The following PTK7 variants were observed in gnomAD, a reference collection of about 807,000 sequenced individuals.
PTK7 encodes protein tyrosine kinase 7 (inactive), also known as inactive tyrosine-protein kinase 7.
A neutral mutation model predicts 116.6 loss-of-function variants in PTK7; 39 were observed. The observed-to-expected ratio is 0.33, with a 90% CI of 0.26 to 0.44. The LOEUF (loss-of-function observed/expected upper bound fraction) is 0.44, where lower values mean the gene tolerates loss of function less well. Among genes scored for constraint, PTK7 ranks in the 20% least tolerant of loss-of-function variants. The probability of loss-of-function intolerance (pLI) is 1.00; values close to 1 mark genes in which losing one functional copy is unlikely to be tolerated. For synonymous variants in PTK7, 546 were observed against 563.6 expected (o/e 0.97, Z 0.44); for missense variants, 1,169 against 1,425.6 (o/e 0.82, Z 2.90).
At chr6:43,159,763 C>T (rs758676480) in intron 18 of PTK7, 25 bp from the exon 19 acceptor site, 12 of 1,613,634 alleles carry the variant, frequency 7.4e-6, no homozygotes, top group Non-Finnish European at 1.0e-5. Context: ...CCCCACCTCA[C>T]CCCTGGGTTG....
chr6:43,091,479 T>C (rs990758466), intron 1 of PTK7, among the ~76,000 whole-genome samples: 2 of 152,178 alleles, frequency 1.3e-5, no homozygotes, highest in African/African-American at 4.8e-5. Context: ...TTTCCTCTTT[T>C]GTAAGATAGG....
At chr6:43,086,416 C>CTT (rs35357864) in intron 1 of PTK7, among the ~76,000 whole-genome samples, 135 of 140,528 alleles carry the variant, frequency 9.6e-4, no homozygotes, top group South Asian at 3.4e-3. Flanking sequence ...GACACTCTGG[C>CTT]TTTTTTTTTT....
At chr6:43,140,598 A>G (rs899737903) in intron 10 of PTK7, among the ~76,000 whole-genome samples, 1 of 151,884 alleles carries the variant, frequency 6.6e-6, no homozygotes, top group South Asian at 2.1e-4. Context: ...TATTAAATTT[A>G]CATGATTGGC....
At chr6:43,089,107 TC>T (rs1766812041) in intron 1 of PTK7, among the ~76,000 whole-genome samples, 5 of 152,080 alleles carry the variant, frequency 3.3e-5, no homozygotes, top group African/African-American at 1.2e-4. Flanking sequence ...GACTTTGGAG[TC>T]AAGTCTTTTA....
intron 1 of PTK7, among the ~76,000 whole-genome samples, chr6:43,107,233 T>G (rs992290558): frequency 1.3e-5 from 2 of 152,276 alleles, no homozygotes; most frequent in African/African-American, 4.8e-5. Flanking sequence ...CTCCCTGACT[T>G]TTTAATCCCC....
intron 17 of PTK7, among the ~76,000 whole-genome samples, chr6:43,151,948 C>T (rs2150470173): frequency 6.6e-6 from 1 of 151,186 alleles, no homozygotes; most frequent in Non-Finnish European, 1.5e-5. Flanking sequence ...GGGTTCACGC[C>T]ATTCACCTGC....
chr6:43,145,601 CTTCCCTGCTCTTGGATGCCTGCT>C lies in PTK7; in HGVS notation c.2640+176_2640+198del, dbSNP rs1770683711. The C allele has an allele frequency of 2.2e-6, 1 of 447,992 alleles. No individual in the cohort carries two copies. Among genetic ancestry groups the C allele is most frequent in the African/African-American group, 2.0e-5 (1 of 50,844 alleles). The allele number at this position is 447,992 out of a possible 1,614,324, so 27.8% of individuals were successfully genotyped here. On this transcript the variant is annotated intron_variant, in intron 16 of 19. Transcript: ENST00000230419. The surrounding 1 kb of genome is among the most constrained non-coding windows in gnomAD (Gnocchi z 4.8). ...CCACCTTATGATGCTCAGCTTCTGCCTTCCCTGCTCTTGGATGCCTGCTTTCCCTTTATCAGCACCCAGTCTTT... is the reference window on the plus strand; with the variant it reads ...CCACCTTATGATGCTCAGCTTCTGCCTTCCCTTTATCAGCACCCAGTCTTT...
Position 43,132,552 on chromosome 6 carries a change from A to T in PTK7, c.1093A>T (p.Thr365Ser). 6.2e-7 allele frequency: 1 copy of T among 1,613,328 alleles called. No homozygotes were observed. The highest frequency in any genetic ancestry group is 8.5e-7 in the Non-Finnish European group (1 of 1,179,804). ...WWEHAGVRLP[T>S]HGRVYQKGHE... ...GGAGCACGCGGGAGTCCGGCTGCCC[A>T]CCCATGGCAGGGTCTACCAGAAGGG... Residue 365 changes from threonine to serine, a missense_variant, in exon 7 of 20, where the codon ACC (threonine) becomes TCC (serine). By Grantham distance (58) the Thr-to-Ser change is moderately conservative (BLOSUM62 1). This residue lies in a region of PTK7 where 487 missense variants were observed against 549.8 expected (regional missense o/e 0.89). Transcript: ENST00000230419.
At position 43,143,805 on chromosome 6, in the gene PTK7, A is replaced by T. The variant is rs890740053; in HGVS notation, c.2251+185A>T. 6.6e-6 allele frequency among the ~76,000 whole-genome samples: 1 copy of T among 152,150 alleles called. No individual in the cohort carries two copies. The highest frequency in any genetic ancestry group is 2.4e-5 in the African/African-American group (1 of 41,426). ...TTCCCAGGGCCTCGTCTTCTGAGCA[A>T]CCTGGCTTGAGACTTCTTCATTGGA... On this transcript the variant is annotated intron_variant, in intron 14 of 19. Coordinates refer to ENST00000230419, the MANE Select transcript of PTK7 (RefSeq NM_002821.5). The surrounding 1 kb of genome is among the most constrained non-coding windows in gnomAD (Gnocchi z 4.2).
chr6:43,159,081 G>A, intron 18 of PTK7, 113 bp downstream of exon 18: 1 of 1,367,918 alleles, frequency 7.3e-7, no homozygotes, highest in Non-Finnish European at 9.9e-7. Flanking sequence ...TTAGTCCAAA[G>A]CTGGAGGGCC....
At position 43,129,376 on chromosome 6, in the gene PTK7, C is replaced by A; in HGVS notation, c.367+112C>A. 7.6e-7 allele frequency: 1 copy of A among 1,313,956 alleles called. No homozygotes were observed. Among genetic ancestry groups the A allele is most frequent in the Non-Finnish European group, 1.0e-6 (1 of 958,892 alleles). 81.4% of individuals were successfully genotyped at this position (1,313,956 alleles called of 1,614,324 possible). On this transcript the variant is annotated intron_variant, in intron 2 of 19. Coordinates refer to ENST00000230419, the MANE Select transcript of PTK7 (RefSeq NM_002821.5). The surrounding 1 kb of genome is among the most constrained non-coding windows in gnomAD (Gnocchi z 4.5). ...CCCATTTCCAGTTAAACGGGCCAGG[C>A]AGAATGCATTTATCATCAGCTTTTT...
chr6:43,160,769 C>T lies in PTK7; in HGVS notation c.3101C>T (p.Ser1034Phe). 6.2e-7 allele frequency: 1 copy of T among 1,614,222 alleles called. No homozygotes were observed. Among genetic ancestry groups the T allele is most frequent in the Non-Finnish European group, 8.5e-7 (1 of 1,180,022 alleles). The change falls in exon 20 of 20, where the codon TCC becomes TTC. Residue 1034 changes from serine to phenylalanine, a missense_variant. By Grantham distance (155) the Ser-to-Phe change is radical (BLOSUM62 -2). This residue lies in a region of PTK7 where 678 missense variants were observed against 853.8 expected (regional missense o/e 0.79). Transcript: ENST00000230419. Reference protein sequence around the residue: ...ARLPQPEGCPSKLYRLMQRCW... With the variant: ...ARLPQPEGCPFKLYRLMQRCW... ...CTTCCTCAGCCCGAGGGCTGCCCTTCCAAACTCTATCGGCTGATGCAGCGC... is the reference window on the plus strand; with the variant it reads ...CTTCCTCAGCCCGAGGGCTGCCCTTTCAAACTCTATCGGCTGATGCAGCGC...
chr6:43,102,856 G>A (rs772142673), intron 1 of PTK7, among the ~76,000 whole-genome samples: 1 of 152,098 alleles, frequency 6.6e-6, no homozygotes, highest in Non-Finnish European at 1.5e-5. Flanking sequence ...GCCAGGTGGC[G>A]TGTACCCATC....
At position 43,138,972 on chromosome 6, in the gene PTK7, T is replaced by G. The variant is rs1227104629; in HGVS notation, c.1352T>G (p.Leu451Arg). 2.5e-6 allele frequency: 4 copies of G among 1,613,804 alleles called. No homozygotes were observed. The highest frequency in any genetic ancestry group is 3.4e-6 in the Non-Finnish European group (4 of 1,179,962). Reference sequence around the variant, plus strand: ...GTTGTCTGGTACAGAAACCAGATGCTCATCTCAGAGGTGAGAAAGAAGAGT... The same window carrying G: ...GTTGTCTGGTACAGAAACCAGATGCGCATCTCAGAGGTGAGAAAGAAGAGT... ...PTVVWYRNQM[L>R]ISEDSRFEVF... The change falls in exon 8 of 20, where the codon CTC becomes CGC. Residue 451 changes from leucine (L) to arginine (R), a missense_variant. Leu to Arg is a moderately radical substitution (Grantham distance 102). Around this residue, in one of 3 missense-constraint regions of PTK7, gnomAD observed 678 missense variants for 853.8 expected, o/e 0.79. Transcript: ENST00000230419.
At chr6:43,094,467 A>AT (rs1297200835) in intron 1 of PTK7, among the ~76,000 whole-genome samples, 3,718 of 140,900 alleles carry the variant, frequency 0.026, 151 homozygotes, top group African/African-American at 0.08. Context: ...TCAAAAGCAA[A>AT]TTTTTTTTTT....
chr6:43,089,723 C>T (rs1766843540), intron 1 of PTK7, among the ~76,000 whole-genome samples: 1 of 152,198 alleles, frequency 6.6e-6, no homozygotes, highest in Admixed American at 6.5e-5. Context: ...CGGAGGAGTA[C>T]TGAGGGGAGG....
Position 43,102,428 on chromosome 6 carries a change from G to GA in PTK7, c.79+25872dup, listed in dbSNP as rs1201820308. Among the ~76,000 whole-genome samples, 182 of 146,166 alleles carry GA rather than the reference G, an allele frequency of 1.2e-3. 1 individual carries two copies. The highest frequency in any genetic ancestry group is 2.1e-3 in the Non-Finnish European group (139 of 66,038). On this transcript the variant is annotated intron_variant, in intron 1 of 19. Coordinates refer to ENST00000230419, the MANE Select transcript of PTK7 (RefSeq NM_002821.5). ...CAACAGAGCAAGACTCTGTCTCAAAGAAAAAAAAAAATTAGCCGGTTGTGT... is the reference window on the plus strand; with the variant it reads ...CAACAGAGCAAGACTCTGTCTCAAAGAAAAAAAAAAAATTAGCCGGTTGTGT...
chr6:43,143,586 C>T lies in PTK7; in HGVS notation c.2217C>T (p.Pro739=), dbSNP rs753906169. ...AAGCCAAGCGGCTGCAGAAGCAGCC[C>T]GAGGGCGAGGAGCCAGAGATGGAAT... ...RCKAKRLQKQ[P]EGEEPEMECL... Residue 739 remains proline (P), a synonymous_variant, in exon 14 of 20, where the codon CCC becomes CCT. Coordinates refer to ENST00000230419, the MANE Select transcript of PTK7 (RefSeq NM_002821.5). The surrounding 1 kb of genome is among the most constrained non-coding windows in gnomAD (Gnocchi z 4.2). The T allele has an allele frequency of 1.8e-5, 29 of 1,612,808 alleles. No individual in the cohort carries two copies. Among genetic ancestry groups the T allele is most frequent in the South Asian group, 4.4e-5 (4 of 91,024 alleles).
chr6:43,143,413 T>C lies in PTK7; in HGVS notation c.2048-4T>C. On this transcript the variant is annotated splice_region_variant and splice_polypyrimidine_tract_variant and intron_variant, in intron 13 of 19. Transcript: ENST00000230419. The surrounding 1 kb of genome is among the most constrained non-coding windows in gnomAD (Gnocchi z 4.2). ...CTGCCCAGACCCATCTGTGTGTCTC[T>C]CAGACAAGCCTGTGCCGGAGGAGTC... The C allele has an allele frequency of 6.2e-7, 1 of 1,613,404 alleles. No homozygotes were observed. Among genetic ancestry groups the C allele is most frequent in the African/African-American group, 1.3e-5 (1 of 74,960 alleles).
Sources: gnomAD v4.1 joint callset for allele counts (sites outside exome capture counted in the v4.1 genomes callset) on GRCh38, gnomAD v4.1.1 for gene constraint, gnomAD v4.1.1 regional missense constraint, Gnocchi (gnomAD v3.1) non-coding constraint, MANE v1.5 for transcripts, NCBI Gene and HGNC (gene_info 2026-07-23, HGNC 2026-07-21) for gene names.